ZNF804B: variants seen among roughly 807,000 people sequenced by gnomAD.
ZNF804B encodes zinc finger protein 804B.
Under a neutral mutation model 101.4 loss-of-function variants are expected in ZNF804B, and 80 were observed. The ratio of observed to expected loss-of-function variants is 0.79; its 90% CI spans 0.66 to 0.95. The LOEUF is 0.95. Among genes scored for constraint, ZNF804B ranks in the 40% least tolerant of loss-of-function variants. The probability of loss-of-function intolerance (pLI) is 0.00; values close to 1 mark genes in which losing one functional copy is unlikely to be tolerated. For synonymous variants in ZNF804B, 622 were observed against 558.8 expected, an observed-to-expected ratio of 1.11 and a Z score of -1.59; for missense variants, 1,673 against 1,561.9, an observed-to-expected ratio of 1.07 and a Z score of -1.20.
intron 2 of ZNF804B, among the ~76,000 whole-genome samples, chr7:89,293,805 A>G (rs575200159): frequency 6.6e-6 from 1 of 152,192 alleles, no homozygotes; most frequent in Non-Finnish European, 1.5e-5. Context: ...AAAGAAAAAA[A>G]AAAAGAATGC....
intron 1 of ZNF804B, among the ~76,000 whole-genome samples, chr7:89,024,552 G>T (rs1418469850): frequency 2.0e-5 from 3 of 149,068 alleles, no homozygotes; most frequent in Non-Finnish European, 4.4e-5. Flanking sequence ...TCATTAGGAG[G>T]CTTTGTAACT....
chr7:88,767,752 C>T (rs1790005994), intron 1 of ZNF804B, among the ~76,000 whole-genome samples: 1 of 152,224 alleles, frequency 6.6e-6, no homozygotes, highest in Admixed American at 6.5e-5. Context: ...TTTCAGCTTT[C>T]ACTGTGTATC....
intron 1 of ZNF804B, among the ~76,000 whole-genome samples, chr7:89,154,359 G>A (rs1218331980): frequency 2.0e-5 from 3 of 152,150 alleles, no homozygotes; most frequent in Admixed American, 6.6e-5. Context: ...GCTACCATAT[G>A]ATCCAGCAAT....
At chr7:89,140,813 G>T (rs1295699983) in intron 1 of ZNF804B, among the ~76,000 whole-genome samples, 2 of 151,888 alleles carry the variant, frequency 1.3e-5, no homozygotes. Context: ...CATTGTAGGA[G>T]AACTTTTAAT....
chr7:89,124,647 G>A (rs748706371), intron 1 of ZNF804B, among the ~76,000 whole-genome samples: 1 of 152,086 alleles, frequency 6.6e-6, no homozygotes, highest in Non-Finnish European at 1.5e-5. Context: ...ATAGAGAAGC[G>A]CTATCACCCT....
At chr7:89,043,080 C>T (rs986060747) in intron 1 of ZNF804B, among the ~76,000 whole-genome samples, 2 of 152,124 alleles carry the variant, frequency 1.3e-5, no homozygotes, top group Admixed American at 6.5e-5. Context: ...TCAAGGACAG[C>T]TGTACAATAA....
intron 1 of ZNF804B, among the ~76,000 whole-genome samples, chr7:88,760,888 T>C (rs1562786463): frequency 9.8e-6 from 1 of 102,224 alleles, no homozygotes; most frequent in East Asian, 3.5e-4. Context: ...GTAATTTATA[T>C]ATATATATAA....
chr7:89,153,039 T>A lies in ZNF804B; in HGVS notation c.109-65116T>A, dbSNP rs6957022. On this transcript the variant is annotated intron_variant, in intron 1 of 3. Transcript: ENST00000333190. Reference sequence around the variant, plus strand: ...ATTATAAAATAATATTATTATAAACTAAGACTCAAAAGCAAATACTATATT... The same window carrying A: ...ATTATAAAATAATATTATTATAAACAAAGACTCAAAAGCAAATACTATATT... Among the ~76,000 whole-genome samples the A allele has an allele frequency of 9.9e-4, 151 of 151,942 alleles. 1 individual carries two copies. The Middle Eastern group carries it at 0.014, about 14-fold the overall frequency.
chr7:88,789,951 G>GT (rs1177810324), intron 1 of ZNF804B, among the ~76,000 whole-genome samples: 1 of 152,058 alleles, frequency 6.6e-6, no homozygotes, highest in Non-Finnish European at 1.5e-5. Flanking sequence ...CCCTGGAAGA[G>GT]TTTTTCCTTT....
chr7:88,810,640 G>A (rs1790770403), intron 1 of ZNF804B, among the ~76,000 whole-genome samples: 1 of 151,292 alleles, frequency 6.6e-6, no homozygotes, highest in African/African-American at 2.4e-5. Flanking sequence ...TCTAGCCTGG[G>A]CAGCAGGGCG....
At chr7:88,944,940 GT>G (rs1348573845) in intron 1 of ZNF804B, among the ~76,000 whole-genome samples, 1 of 151,624 alleles carries the variant, frequency 6.6e-6, no homozygotes, top group Non-Finnish European at 1.5e-5. Flanking sequence ...AGATGGGGTT[GT>G]TTTTTTCTTG....
At chr7:89,136,906 G>A (rs1240578102) in intron 1 of ZNF804B, among the ~76,000 whole-genome samples, 2 of 151,990 alleles carry the variant, frequency 1.3e-5, no homozygotes, top group Non-Finnish European at 2.9e-5. Flanking sequence ...TAGTGAGTAA[G>A]TCTCATGAGA....
At chr7:89,093,816 C>T (rs986233556) in intron 1 of ZNF804B, among the ~76,000 whole-genome samples, 1 of 152,218 alleles carries the variant, frequency 6.6e-6, no homozygotes, top group Non-Finnish European at 1.5e-5. Context: ...TGGTCATTTA[C>T]TAGTTCAGAT....
At chr7:89,232,233 A>T (rs1789204286) in intron 2 of ZNF804B, among the ~76,000 whole-genome samples, 1 of 152,136 alleles carries the variant, frequency 6.6e-6, no homozygotes, top group African/African-American at 2.4e-5. Flanking sequence ...TAAGATATTA[A>T]TTGAATTTTT....
chr7:89,141,869 G>C (rs999496841), intron 1 of ZNF804B, among the ~76,000 whole-genome samples: 10 of 136,834 alleles, frequency 7.3e-5, no homozygotes, highest in African/African-American at 2.8e-4. Flanking sequence ...TAATAGAATT[G>C]AAAGATAAAA....
chr7:89,321,887 GA>G (rs1790826778), intron 2 of ZNF804B, among the ~76,000 whole-genome samples: 2 of 152,150 alleles, frequency 1.3e-5, no homozygotes, highest in Middle Eastern at 6.9e-3. Context: ...CTAAGTAATA[GA>G]AAAGAGATAT....
chr7:89,333,982 G>A lies in ZNF804B; in HGVS notation c.1000G>A (p.Val334Ile). The A allele has an allele frequency of 1.2e-6, 2 of 1,613,460 alleles. No individual in the cohort carries two copies. The highest frequency in any genetic ancestry group is 1.7e-6 in the Non-Finnish European group (2 of 1,179,728). ...TAAATCTAACATTCATCTTTCAGAT[G>A]TAGATTTTACTCCTACCAGCAGAGA... ...FSKSNIHLSD[V>I]DFTPTSREKE... The change falls in exon 4 of 4, where the codon GTA becomes ATA. Residue 334 changes from valine to isoleucine, a missense_variant. Physicochemically the swap from Val to Ile is conservative, Grantham distance 29 (BLOSUM62 3). Transcript: ENST00000333190.
At chr7:89,224,517 A>G (rs1317599442) in intron 2 of ZNF804B, among the ~76,000 whole-genome samples, 1 of 152,008 alleles carries the variant, frequency 6.6e-6, no homozygotes, top group Non-Finnish European at 1.5e-5. Flanking sequence ...AATACTGCCC[A>G]AGTGATATAT....
intron 2 of ZNF804B, among the ~76,000 whole-genome samples, chr7:89,227,398 A>G (rs1180656014): frequency 6.6e-6 from 1 of 152,216 alleles, no homozygotes; most frequent in Non-Finnish European, 1.5e-5. Flanking sequence ...TGCCTTCTGT[A>G]TGCCCAGCAC....
Sources: gnomAD v4.1 joint callset for allele counts (sites outside exome capture counted in the v4.1 genomes callset) on GRCh38, gnomAD v4.1.1 for gene constraint, MANE v1.5 for transcripts, NCBI Gene and HGNC (gene_info 2026-07-23, HGNC 2026-07-21) for gene names.